MXI1: variants seen among roughly 807,000 people sequenced by gnomAD.
MXI1 encodes the protein max-interacting protein 1.
Under a neutral mutation model 36.9 loss-of-function variants are expected in MXI1, and 18 were observed. The ratio of observed to expected loss-of-function variants is 0.49; its 90% confidence interval spans 0.34 to 0.72. The LOEUF is 0.72. Ranked by LOEUF, MXI1 falls within the 30% of genes least tolerant of loss-of-function variation. The probability of loss-of-function intolerance (pLI) is 0.01; values close to 1 mark genes in which losing one functional copy is unlikely to be tolerated. For synonymous variants in MXI1, 160 were observed against 146.7 expected, an observed-to-expected ratio of 1.09 and a Z score of -0.65; for missense variants, 304 against 379.1, an observed-to-expected ratio of 0.80 and a Z score of 1.64.
intron 1 of MXI1, among the ~76,000 whole-genome samples, chr10:110,226,812 T>G (rs111210002): frequency 1.6e-4 from 1 of 6,098 alleles, no homozygotes; most frequent in African/African-American, 1.6e-3. Flanking sequence ...GGGAGGGGCG[T>G]GCACATGTGA....
At chr10:110,273,325 G>A (rs906811156) in intron 3 of MXI1, among the ~76,000 whole-genome samples, 1 of 152,080 alleles carries the variant, frequency 6.6e-6, no homozygotes, top group African/African-American at 2.4e-5. Flanking sequence ...GAGATTACAG[G>A]CATGAGCCAC....
At chr10:110,218,833 A>C (rs1854724025) in intron 1 of MXI1, among the ~76,000 whole-genome samples, 1 of 152,194 alleles carries the variant, frequency 6.6e-6, no homozygotes. Context: ...ACATGGAGCC[A>C]AGGGCTTCTG....
Position 110,287,317 on chromosome 10 carries a change from T to C in MXI1, c.*2330T>C, listed in dbSNP as rs1381458470. On this transcript the variant is annotated 3_prime_UTR_variant, in exon 6 of 6. Coordinates refer to ENST00000332674, the MANE Select transcript of MXI1 (RefSeq NM_130439.3). ...TAATTTTTTAAAAGACAAATCAACT[T>C]TGAAGACACAAAAGTTAATTGGAAG... 1.3e-5 allele frequency: 2 copies of C among 152,314 alleles called. No individual in the cohort carries two copies. The highest frequency in any genetic ancestry group is 4.8e-5 in the African/African-American group (2 of 41,560). The allele number at this position is 152,314 out of a possible 1,614,324, so 9.4% of individuals were successfully genotyped here.
chr10:110,262,071 T>A (rs1230588399), intron 3 of MXI1, among the ~76,000 whole-genome samples: 1 of 152,040 alleles, frequency 6.6e-6, no homozygotes, highest in African/African-American at 2.4e-5. Flanking sequence ...TCATTTATGT[T>A]AAAAAATAAC....
At chr10:110,280,679 C>CAA (rs754769947) in intron 5 of MXI1, among the ~76,000 whole-genome samples, 12 of 117,788 alleles carry the variant, frequency 1.0e-4, no homozygotes, top group Middle Eastern at 4.8e-3. Context: ...GGTTCCGTCT[C>CAA]AAAAAAAAAA....
rs1164459642 is a variant in MXI1, at chr10:110,285,042, CA to C, written c.*58del. 15 of 1,490,984 alleles carry C rather than the reference CA, an allele frequency of 1.0e-5. No individual in the cohort carries two copies. The East Asian group carries it at 3.5e-4, about 35-fold the overall frequency. The allele number at this position is 1,490,984 out of a possible 1,614,324, so 92.4% of individuals were successfully genotyped here. A position where few individuals can be genotyped will look rare whatever the true frequency, so the allele number is the denominator to read the frequency against. On this transcript the variant is annotated 3_prime_UTR_variant, in exon 6 of 6. Transcript: ENST00000332674. Reference sequence around the variant, plus strand: ...AAATATTCACTGGGCCAATTCAATACAAACAATCTCTTAAATTGGGTTCATG... The same window carrying C: ...AAATATTCACTGGGCCAATTCAATACAACAATCTCTTAAATTGGGTTCATG...
chr10:110,279,424 TC>T, intron 4 of MXI1, 130 bp downstream of exon 4: 1 of 729,508 alleles, frequency 1.4e-6, no homozygotes, highest in Non-Finnish European at 2.3e-6. Context: ...GAGAAGTCTT[TC>T]TAAAAACTTA....
chr10:110,234,571 C>T (rs966551276), intron 2 of MXI1, among the ~76,000 whole-genome samples: 16 of 152,164 alleles, frequency 1.1e-4, no homozygotes, highest in Middle Eastern at 3.4e-3. Flanking sequence ...TCTATGGTAC[C>T]ACTCGTTTTT....
At chr10:110,216,467 T>C (rs1307246537) in intron 1 of MXI1, among the ~76,000 whole-genome samples, 3 of 152,078 alleles carry the variant, frequency 2.0e-5, no homozygotes, top group Non-Finnish European at 2.9e-5. Context: ...AGTTCCTGTC[T>C]TCATGGAGTG....
intron 1 of MXI1, among the ~76,000 whole-genome samples, chr10:110,211,167 T>G (rs1194478448): frequency 6.6e-6 from 1 of 150,938 alleles, no homozygotes; most frequent in African/African-American, 2.4e-5. Context: ...CGAGTTCCCC[T>G]ATAATCACTT....
rs1191437855 is a variant in MXI1 at position 110,261,041 on chromosome 10, T to G, written c.437+16184T>G. The G allele has an allele frequency of 6.1e-6, 6 of 984,958 alleles. No individual in the cohort carries two copies. In the East Asian group the frequency reaches 6.8e-4, roughly 112 times the overall value. 61.0% of individuals were successfully genotyped at this position (984,958 alleles called of 1,614,324 possible). ...AGTGATCACTGGATGGAGTGAGCCA[T>G]ATACCAGGAGGAAAGAGCACACTGC... On this transcript the variant is annotated intron_variant, in intron 3 of 5. Coordinates refer to ENST00000332674, the MANE Select transcript of MXI1 (RefSeq NM_130439.3).
chr10:110,250,670 A>G (rs1366088161), intron 3 of MXI1, among the ~76,000 whole-genome samples: 1 of 151,772 alleles, frequency 6.6e-6, no homozygotes, highest in Non-Finnish European at 1.5e-5. Context: ...CATCTCTACT[A>G]AAAATACAAA....
At chr10:110,242,179 GC>G (rs1187593354) in intron 2 of MXI1, among the ~76,000 whole-genome samples, 1 of 151,946 alleles carries the variant, frequency 6.6e-6, no homozygotes, top group African/African-American at 2.4e-5. Flanking sequence ...TAGACCAAAT[GC>G]CACCCTTCTA....
At chr10:110,248,846 G>C (rs932751017) in intron 3 of MXI1, among the ~76,000 whole-genome samples, 2 of 151,804 alleles carry the variant, frequency 1.3e-5, no homozygotes, top group African/African-American at 2.4e-5. Context: ...TTTTTAAAAG[G>C]GATTTTTATC....
At chr10:110,209,300 G>C (rs913055252) in intron 1 of MXI1, among the ~76,000 whole-genome samples, 3 of 152,086 alleles carry the variant, frequency 2.0e-5, no homozygotes, top group African/African-American at 4.8e-5. Flanking sequence ...AGATCAATGA[G>C]GCGCGAGTGT....
At chr10:110,281,512 A>T (rs12218548) in intron 5 of MXI1, among the ~76,000 whole-genome samples, 3,714 of 152,152 alleles carry the variant, frequency 0.024, 79 homozygotes, top group East Asian at 0.06. Context: ...ATCTATAATA[A>T]TTTTTTCTCT....
At chr10:110,256,883 C>T (rs927620563) in intron 3 of MXI1, among the ~76,000 whole-genome samples, 5 of 152,166 alleles carry the variant, frequency 3.3e-5, no homozygotes, top group African/African-American at 9.7e-5. Context: ...GATGGCTCAA[C>T]ACTTTGCAAT....
At chr10:110,211,290 G>A (rs575564174) in intron 1 of MXI1, among the ~76,000 whole-genome samples, 6 of 152,272 alleles carry the variant, frequency 3.9e-5, no homozygotes, top group African/African-American at 1.4e-4. Flanking sequence ...GCGTCGTTCA[G>A]CCAATCGGCA....
intron 1 of MXI1, chr10:110,227,252 CGTGTGCGGGAAGGGCGT>C: frequency 1.5e-6 from 1 of 649,176 alleles, no homozygotes; most frequent in Non-Finnish European, 1.7e-6. Context: ...GGGGGAGGGG[CGTGTGCGGGAAGGGCGT>C]GCGCGTGTGG....
Sources: gnomAD v4.1 joint callset for allele counts (sites outside exome capture counted in the v4.1 genomes callset) on GRCh38, gnomAD v4.1.1 for gene constraint, MANE v1.5 for transcripts, NCBI Gene and HGNC (gene_info 2026-07-23, HGNC 2026-07-21) for gene names.